Variants in FBXW7 observed in about 807,000 individuals in gnomAD.
FBXW7 encodes the protein F-box/WD repeat-containing protein 7.
A neutral mutation model predicts 86.3 loss-of-function variants in FBXW7; 11 were observed. That is an observed-to-expected ratio of 0.13 (90% CI 0.08 to 0.21). The LOEUF is 0.21. Ranked by LOEUF, FBXW7 falls within the 10% of genes least tolerant of loss-of-function variation. FBXW7 has a pLI of 1.00. For missense variants in FBXW7, 488 were observed against 847.4 expected (o/e 0.58, Z 5.27); for synonymous variants, 313 against 297.9 (o/e 1.05, Z -0.52).
At chr4:152,469,949 T>G (rs1249553024) in intron 2 of FBXW7, among the ~76,000 whole-genome samples, 1 of 152,048 alleles carries the variant, frequency 6.6e-6, no homozygotes, top group Non-Finnish European at 1.5e-5. Flanking sequence ...ACCAAATATT[T>G]AGATAGCCTT....
chr4:152,350,238 T>C, intron 4 of FBXW7, 114 bp from the exon 5 acceptor site: 1 of 492,450 alleles, frequency 2.0e-6, no homozygotes, highest in Non-Finnish European at 3.6e-6. Context: ...ACAATGTTAA[T>C]TAAATATATA....
rs757486464 is a variant in FBXW7 at position 152,324,168 on chromosome 4, GGTGA to G, written c.1855+12_1855+15del. On this transcript the variant is annotated intron_variant, in intron 13 of 13. Transcript: ENST00000281708. ...CTCATTTTTAATGAACAAAACGAAA[GGTGA>G]GTAAGACTTACCTTGCAATGTTTGT... is the stretch of plus-strand genomic sequence containing the variant. 1.8e-5 allele frequency: 29 copies of G among 1,596,594 alleles called. No individual in the cohort carries two copies. Among genetic ancestry groups the G allele is most frequent in the East Asian group, 9.0e-5 (4 of 44,674 alleles).
At chr4:152,506,132 G>T (rs1272609040) in intron 2 of FBXW7, among the ~76,000 whole-genome samples, 1 of 151,952 alleles carries the variant, frequency 6.6e-6, no homozygotes, top group African/African-American at 2.4e-5. Flanking sequence ...ATAATTGTAT[G>T]TGCTATACTT....
At chr4:152,523,035 T>C (rs536668376) in intron 2 of FBXW7, among the ~76,000 whole-genome samples, 153 of 152,352 alleles carry the variant, frequency 1.0e-3, no homozygotes, top group African/African-American at 3.4e-3. Context: ...CAAGTGACAA[T>C]TGAAAGTTCA....
At chr4:152,530,905 A>G (rs939640395) in intron 2 of FBXW7, 7 of 152,244 alleles carry the variant, frequency 4.6e-5, no homozygotes, top group African/African-American at 1.7e-4. Context: ...AAAACCTAAA[A>G]TATTTACTAA....
intron 6 of FBXW7, 31 bp downstream of exon 6, chr4:152,346,899 G>A (rs2126633657): frequency 1.2e-6 from 2 of 1,608,462 alleles, no homozygotes; most frequent in Non-Finnish European, 1.7e-6. Flanking sequence ...ATTAAGTGAG[G>A]CATTTCAAGT....
intron 4 of FBXW7, chr4:152,411,039 T>C (rs1737900325): frequency 2.0e-6 from 1 of 490,776 alleles, no homozygotes; most frequent in Non-Finnish European, 3.2e-6. Context: ...GGACGCAAGG[T>C]TTAGACGAAA....
At position 152,362,988 on chromosome 4, in the gene FBXW7, T is replaced by C. The variant is rs1056726515; in HGVS notation, c.502-12864A>G. On this transcript the variant is annotated intron_variant, in intron 4 of 13. Coordinates refer to ENST00000281708, the MANE Select transcript of FBXW7 (RefSeq NM_001349798.2). ...TAGTCACCTGACTTTTATTAAACCA[T>C]TGCAATAAACAGATTTTGTTAGACT... is the stretch of plus-strand genomic sequence containing the variant. Among the ~76,000 whole-genome samples, 4 of 152,118 alleles carry C rather than the reference T, an allele frequency of 2.6e-5. No individual in the cohort carries two copies. The East Asian group carries it at 7.7e-4, about 29-fold the overall frequency.
intron 4 of FBXW7, among the ~76,000 whole-genome samples, chr4:152,370,474 A>C (rs1733913284): frequency 6.6e-6 from 1 of 151,970 alleles, no homozygotes. Context: ...TTGAGGAAGA[A>C]AGTTCAAATT....
At chr4:152,323,358 C>G (rs1363857607) in intron 13 of FBXW7, 7 of 624,940 alleles carry the variant, frequency 1.1e-5, no homozygotes, top group Non-Finnish European at 1.9e-5. Context: ...CATTAACTTT[C>G]AAGAGGTCTG....
At chr4:152,430,573 T>A (rs988246685) in intron 2 of FBXW7, among the ~76,000 whole-genome samples, 1 of 152,092 alleles carries the variant, frequency 6.6e-6, no homozygotes, top group Non-Finnish European at 1.5e-5. Flanking sequence ...AGAACAGTTT[T>A]AAGTGGGTTA....
chr4:152,368,048 A>C (rs529054822), intron 4 of FBXW7, among the ~76,000 whole-genome samples: 1 of 152,130 alleles, frequency 6.6e-6, no homozygotes, highest in Admixed American at 6.5e-5. Context: ...TCAAGCTCTG[A>C]ATCCATGGCA....
chr4:152,456,360 TAAAA>T (rs58250889), intron 2 of FBXW7, among the ~76,000 whole-genome samples: 3 of 72,120 alleles, frequency 4.2e-5, no homozygotes, highest in Non-Finnish European at 8.2e-5. Context: ...AAAAAATCCT[TAAAA>T]AAAAAAAAAA....
chr4:152,363,161 A>G (rs1733149671), intron 4 of FBXW7, among the ~76,000 whole-genome samples: 1 of 152,214 alleles, frequency 6.6e-6, no homozygotes. Context: ...AAATTCCATT[A>G]TAATATTATC....
At chr4:152,483,684 T>A (rs139604513) in intron 2 of FBXW7, among the ~76,000 whole-genome samples, 1,553 of 151,982 alleles carry the variant, frequency 0.01, 19 homozygotes, top group East Asian at 0.043. Flanking sequence ...GGCAACAAAG[T>A]GAGACCCTGT....
Position 152,475,704 on chromosome 4 carries a change from T to A in FBXW7, c.-120+59237A>T, listed in dbSNP as rs966767576. On this transcript the variant is annotated intron_variant, in intron 2 of 13. Coordinates refer to ENST00000281708, the MANE Select transcript of FBXW7 (RefSeq NM_001349798.2). Reference sequence around the variant, plus strand: ...TATGTAAAAATCGACCATATTTTTATATATCAGCAATAAGTTAGTACATCA... The same window carrying A: ...TATGTAAAAATCGACCATATTTTTAAATATCAGCAATAAGTTAGTACATCA... 5.9e-5 allele frequency among the ~76,000 whole-genome samples: 9 copies of A among 152,336 alleles called. No individual in the cohort carries two copies. In the South Asian group the frequency reaches 1.7e-3, roughly 28 times the overall value.
intron 2 of FBXW7, among the ~76,000 whole-genome samples, chr4:152,467,114 T>C (rs2149643901): frequency 6.6e-6 from 1 of 152,302 alleles, no homozygotes; most frequent in Admixed American, 6.5e-5. Flanking sequence ...TTGATATGGT[T>C]TGGCTGTGTC....
intron 2 of FBXW7, among the ~76,000 whole-genome samples, chr4:152,447,417 C>G (rs777153860): frequency 2.6e-5 from 4 of 152,140 alleles, no homozygotes; most frequent in Non-Finnish European, 4.4e-5. Context: ...CTTTTCTAAT[C>G]TAACACCATC....
At chr4:152,488,843 A>G (rs1455847355) in intron 2 of FBXW7, among the ~76,000 whole-genome samples, 1 of 152,100 alleles carries the variant, frequency 6.6e-6, no homozygotes, top group Non-Finnish European at 1.5e-5. Flanking sequence ...TTATTCAATT[A>G]GCACCAATCA....
Sources: allele counts gnomAD v4.1 joint callset (sites outside exome capture counted in the v4.1 genomes callset), GRCh38; gene constraint gnomAD v4.1.1; transcripts MANE v1.5; gene names NCBI Gene and HGNC (gene_info 2026-07-23, HGNC 2026-07-21).